Variants in CIB4 observed in about 807,000 individuals in gnomAD.
CIB4 encodes calcium and integrin binding family member 4.
A neutral mutation model predicts 25.8 loss-of-function variants in CIB4; 25 were observed. That is an observed-to-expected ratio of 0.97 (90% CI 0.71 to 1.35). CIB4 has a LOEUF of 1.35. Ranked by LOEUF, CIB4 falls within the 40% of genes most tolerant of loss-of-function variation. The pLI, the probability that CIB4 is intolerant of heterozygous loss-of-function variation, is 0.00. For synonymous variants in CIB4, 75 were observed against 81.4 expected, an observed-to-expected ratio of 0.92 and a Z score of 0.42; for missense variants, 235 against 228.2, an observed-to-expected ratio of 1.03 and a Z score of -0.19.
chr2:26,638,090 G>A (rs1390532780), intron 2 of CIB4, among the ~76,000 whole-genome samples: 1 of 152,168 alleles, frequency 6.6e-6, no homozygotes, highest in African/African-American at 2.4e-5. Context: ...GGCCCTTCAT[G>A]CTCAGGAATG....
intron 3 of CIB4, among the ~76,000 whole-genome samples, chr2:26,601,767 A>T (rs76654539): frequency 2.1e-3 from 313 of 152,354 alleles, no homozygotes; most frequent in African/African-American, 7.4e-3. Context: ...AGGTGAATGG[A>T]TAAACAAACC....
chr2:26,588,987 C>CT (rs1558554493), intron 4 of CIB4, among the ~76,000 whole-genome samples: 5,262 of 14,034 alleles, frequency 0.37, 784 homozygotes, highest in Middle Eastern at 0.43. Context: ...CTTTCTTCTT[C>CT]TTCTTCTTCT....
chr2:26,618,736 C>T (rs1055760267), intron 3 of CIB4, among the ~76,000 whole-genome samples: 4 of 152,174 alleles, frequency 2.6e-5, no homozygotes, highest in Non-Finnish European at 5.9e-5. Context: ...CTAGCCTGAC[C>T]GCAGGGCAGC....
At chr2:26,632,567 G>A (rs138264203) in intron 2 of CIB4, among the ~76,000 whole-genome samples, 8,789 of 152,080 alleles carry the variant, frequency 0.058, 511 homozygotes, top group East Asian at 0.34. Flanking sequence ...GAGCAGCCTG[G>A]CCAACATGGT....
rs1208320277 is a variant in CIB4, at chr2:26,581,309, G to GC, written c.*53_*54insG. Reference sequence around the variant, plus strand: ...CCAGCTCCCTCCAGTGCTGGAGGGGGTTCGATTCCTGTGGTCTCCCTCGAG... The same window carrying GC: ...CCAGCTCCCTCCAGTGCTGGAGGGGGCTTCGATTCCTGTGGTCTCCCTCGAG... On this transcript the variant is annotated 3_prime_UTR_variant, in exon 7 of 7. Transcript: ENST00000288861. The GC allele has an allele frequency of 2.7e-6, 4 of 1,498,684 alleles. No homozygotes were observed. In the African/African-American group the frequency reaches 5.5e-5, roughly 21 times the overall value. 92.8% of individuals were successfully genotyped at this position (1,498,684 alleles called of 1,614,324 possible). A position where few individuals can be genotyped will look rare whatever the true frequency, so the allele number is the denominator to read the frequency against.
intron 3 of CIB4, among the ~76,000 whole-genome samples, chr2:26,595,595 G>A (rs563383893): frequency 2.6e-5 from 4 of 152,238 alleles, no homozygotes; most frequent in East Asian, 3.8e-4. Flanking sequence ...AAATGAACAA[G>A]AGATTGTCAG....
At chr2:26,629,970 G>T (rs970559520) in intron 2 of CIB4, among the ~76,000 whole-genome samples, 1 of 152,190 alleles carries the variant, frequency 6.6e-6, no homozygotes, top group Admixed American at 6.5e-5. Context: ...CACTTCGTGG[G>T]TCTGAGTGAG....
At chr2:26,635,550 G>C (rs1669516671) in intron 2 of CIB4, among the ~76,000 whole-genome samples, 1 of 152,238 alleles carries the variant, frequency 6.6e-6, no homozygotes, top group Non-Finnish European at 1.5e-5. Context: ...AGAGGCCACA[G>C]TGGAAAATCA....
intron 2 of CIB4, 29 bp from the exon 3 acceptor site, chr2:26,629,535 G>T: frequency 1.4e-6 from 2 of 1,470,978 alleles, no homozygotes; most frequent in South Asian, 1.2e-5. Context: ...AGACCGTGTG[G>T]CCGGGGAAAG....
At chr2:26,583,757 C>T in intron 5 of CIB4, 32 bp downstream of exon 5, 1 of 1,456,266 alleles carries the variant, frequency 6.9e-7, no homozygotes, top group Non-Finnish European at 9.6e-7. Context: ...ATCCCCGGCC[C>T]CAGCCACCAA....
rs3220777 is a variant in CIB4, at chr2:26,617,120, ATG to A, written c.186+12288_186+12289del. Among the ~76,000 whole-genome samples, 1,366 of 137,764 alleles carry A rather than the reference ATG, an allele frequency of 9.9e-3. 62 individuals carry two copies. The East Asian group carries it at 0.14, about 14-fold the overall frequency. 90.4% of individuals were successfully genotyped at this position (137,764 alleles called of 152,430 possible). A position where few individuals can be genotyped will look rare whatever the true frequency, so the allele number is the denominator to read the frequency against. On this transcript the variant is annotated intron_variant, in intron 3 of 6. Coordinates refer to ENST00000288861, the MANE Select transcript of CIB4 (RefSeq NM_001029881.3). ...AACTTACCCACAGCAAGAGCATGGA[ATG>A]TGTGTGTGTGTGTGTGTGTGTGTGT...
chr2:26,617,200 T>A (rs545692484), intron 3 of CIB4, among the ~76,000 whole-genome samples: 1 of 151,312 alleles, frequency 6.6e-6, no homozygotes, highest in African/African-American at 2.4e-5. Flanking sequence ...GGAGGTGGGA[T>A]TCAGCCTAGG....
At position 26,581,488 on chromosome 2, in the gene CIB4, G is replaced by A. The variant is rs929809982; in HGVS notation, c.528-95C>T. 30 of 1,233,768 alleles carry A rather than the reference G, an allele frequency of 2.4e-5. No individual in the cohort carries two copies. The South Asian group carries it at 3.0e-4, about 12-fold the overall frequency. 76.4% of individuals were successfully genotyped at this position (1,233,768 alleles called of 1,614,324 possible). ...AGTAGTCCTGGAGGCTCCCTCCCCG[G>A]CCTGCATCTCGTGTCCCTTTCTCTG... On this transcript the variant is annotated intron_variant, in intron 6 of 6. Coordinates refer to ENST00000288861, the MANE Select transcript of CIB4 (RefSeq NM_001029881.3).
chr2:26,633,632 TCTC>T (rs1394768530), intron 2 of CIB4, among the ~76,000 whole-genome samples: 1 of 152,116 alleles, frequency 6.6e-6, no homozygotes, highest in African/African-American at 2.4e-5. Flanking sequence ...CATAAAATGT[TCTC>T]CTCCTCCAAA....
In CIB4 at chr2:26,636,576, C is replaced by T. The variant is rs369403477; in HGVS notation, c.89+3957G>A. 7.2e-5 allele frequency among the ~76,000 whole-genome samples: 11 copies of T among 152,102 alleles called. No individual in the cohort carries two copies. The South Asian group carries it at 2.1e-3, about 29-fold the overall frequency. On this transcript the variant is annotated intron_variant, in intron 2 of 6. Transcript: ENST00000288861. The stretch of plus-strand genomic sequence containing the variant: ...ACTATCTTCCTTGTAATTCGTTTTG[C>T]CTCTAGGTTGAAAGCCTTTGTTTCC...
chr2:26,630,219 TCAGGCTAAGAG>T, intron 2 of CIB4, among the ~76,000 whole-genome samples: 1 of 152,250 alleles, frequency 6.6e-6, no homozygotes, highest in East Asian at 1.9e-4. Context: ...GAGCTCTGCC[TCAGGCTAAGAG>T]AGGATGAGCC....
chr2:26,598,626 C>T (rs369465246), intron 3 of CIB4, among the ~76,000 whole-genome samples: 1 of 152,142 alleles, frequency 6.6e-6, no homozygotes, highest in Non-Finnish European at 1.5e-5. Flanking sequence ...TCCTGGGGAC[C>T]CAGGAGTGGC....
chr2:26,584,767 T>G (rs1668417839), intron 4 of CIB4, among the ~76,000 whole-genome samples: 1 of 152,142 alleles, frequency 6.6e-6, no homozygotes, highest in Admixed American at 6.5e-5. Flanking sequence ...GCCGTGGCCC[T>G]GGTGTGCACA....
intron 3 of CIB4, among the ~76,000 whole-genome samples, chr2:26,609,035 C>A (rs1404332785): frequency 6.6e-6 from 1 of 152,210 alleles, no homozygotes; most frequent in Non-Finnish European, 1.5e-5. Flanking sequence ...TTGACAAAAA[C>A]CACTTCTCCC....
Sources: allele counts gnomAD v4.1 joint callset (sites outside exome capture counted in the v4.1 genomes callset), GRCh38; gene constraint gnomAD v4.1.1; transcripts MANE v1.5; gene names NCBI Gene and HGNC (gene_info 2026-07-23, HGNC 2026-07-21).